LRRC34: variants seen among roughly 807,000 people sequenced by gnomAD.
The protein encoded by LRRC34 is leucine-rich repeat-containing protein 34.
A neutral mutation model predicts 48.5 loss-of-function variants in LRRC34; 44 were observed. That is an observed-to-expected ratio of 0.91 (90% CI 0.71 to 1.17). LRRC34 has a LOEUF of 1.17. LRRC34 is among the 50% of genes most tolerant of loss of function. The probability of loss-of-function intolerance (pLI) is 0.00; values close to 1 mark genes in which losing one functional copy is unlikely to be tolerated. For missense variants in LRRC34, 502 were observed against 563.0 expected, an observed-to-expected ratio of 0.89 and a Z score of 1.10; for synonymous variants, 192 against 197.6, an observed-to-expected ratio of 0.97 and a Z score of 0.24.
rs1779164298 is a variant in LRRC34 at position 169,800,845 on chromosome 3, T to C, written c.658-91A>G. The C allele has an allele frequency of 2.0e-5, 16 of 813,640 alleles. No individual in the cohort carries two copies. In the South Asian group the frequency reaches 2.8e-4, roughly 14 times the overall value. 50.4% of individuals were successfully genotyped at this position (813,640 alleles called of 1,614,324 possible). A position where few individuals can be genotyped will look rare whatever the true frequency, so the allele number is the denominator to read the frequency against. On this transcript the variant is annotated intron_variant, in intron 6 of 10. Transcript: ENST00000446859. ...TCAAGATCAGCTATCTGCATTCTGA[T>C]AAAATTGTTTTTAAAATTTAAGCAT...
intron 7 of LRRC34, among the ~76,000 whole-genome samples, chr3:169,799,651 C>T (rs188354883): frequency 1.3e-5 from 2 of 152,224 alleles, no homozygotes; most frequent in Non-Finnish European, 2.9e-5. Context: ...AGTGAGACCT[C>T]ATCTCAAAAA....
At chr3:169,796,946 T>C (rs769090186) in intron 7 of LRRC34, 47 bp from the exon 8 acceptor site, 2 of 1,385,676 alleles carry the variant, frequency 1.4e-6, no homozygotes, top group African/African-American at 3.0e-5. Context: ...TTTGAAGTAG[T>C]ACATGTTTAT....
chr3:169,802,978 C>CAA (rs762946094), intron 6 of LRRC34, among the ~76,000 whole-genome samples: 2,105 of 136,504 alleles, frequency 0.015, 19 homozygotes, highest in Middle Eastern at 0.03. Flanking sequence ...ACTCTGTCTC[C>CAA]AAAAAAAAAA....
chr3:169,799,707 T>C lies in LRRC34; in HGVS notation c.753+952A>G, dbSNP rs1311571522. On this transcript the variant is annotated intron_variant, in intron 7 of 10. Coordinates refer to ENST00000446859, the MANE Select transcript of LRRC34 (RefSeq NM_001172779.2). ...TCAAACACTGACATTGATTGATTGA[T>C]TGATTGATTGATTGATTGAGATGAA... 4.6e-5 allele frequency among the ~76,000 whole-genome samples: 7 copies of C among 152,110 alleles called. No homozygotes were observed. In the East Asian group the frequency reaches 1.4e-3, roughly 29 times the overall value.
At position 169,812,790 on chromosome 3, in the gene LRRC34, G is replaced by C. The variant is rs915113515; in HGVS notation, c.-242C>G. On this transcript the variant is annotated 5_prime_UTR_variant, in exon 1 of 11. Transcript: ENST00000446859. This position sits in a 1 kb window ranked among gnomAD's most constrained non-coding sequence, Gnocchi z 4.3. ...TTCCCGAGGTTTGAGGGGCTCCGCTGCTGAGCTAGGGCTGGGGCTACAAAG... is the reference window on the plus strand; with the variant it reads ...TTCCCGAGGTTTGAGGGGCTCCGCTCCTGAGCTAGGGCTGGGGCTACAAAG... The C allele has an allele frequency of 2.0e-6, 1 of 511,898 alleles. No homozygotes were observed. The highest frequency in any genetic ancestry group is 2.0e-5 in the African/African-American group (1 of 49,106). 31.7% of individuals were successfully genotyped at this position (511,898 alleles called of 1,614,324 possible).
Position 169,796,332 on chromosome 3 carries a change from C to T in LRRC34, c.946G>A (p.Asp316Asn). Reference sequence around the variant, plus strand: ...AGGGTAGTGTTGCTTTTCAGTACATCAGCCAAATACACCATTCCATCATGA... The same window carrying T: ...AGGGTAGTGTTGCTTTTCAGTACATTAGCCAAATACACCATTCCATCATGA... ...ITHDGMVYLA[D>N]VLKSNTTLEV... The change falls in exon 9 of 11, where the codon GAT (aspartate) becomes AAT (asparagine). Residue 316 changes from aspartate (D) to asparagine (N), a missense_variant. Transcript: ENST00000446859. The T allele has an allele frequency of 6.2e-7, 1 of 1,608,858 alleles. No individual in the cohort carries two copies. The highest frequency in any genetic ancestry group is 1.1e-5 in the South Asian group (1 of 89,472).
At chr3:169,796,168 A>G (rs750063117) in intron 9 of LRRC34, 46 bp downstream of exon 9, 2 of 1,551,390 alleles carry the variant, frequency 1.3e-6, no homozygotes, top group Non-Finnish European at 1.7e-6. Context: ...TAGTATTTAA[A>G]AATTTGCTTT....
At chr3:169,795,350 T>G in intron 10 of LRRC34, 135 bp downstream of exon 10, 1 of 897,416 alleles carries the variant, frequency 1.1e-6, no homozygotes, top group Non-Finnish European at 1.6e-6. Context: ...GTAGTTAATT[T>G]TAAGACTTAT....
Position 169,812,336 on chromosome 3 carries a change from C to T in LRRC34, c.139+74G>A. 6.8e-7 allele frequency: 1 copy of T among 1,459,938 alleles called. No individual in the cohort carries two copies. Among genetic ancestry groups the T allele is most frequent in the Non-Finnish European group, 9.0e-7 (1 of 1,111,334 alleles). The allele number at this position is 1,459,938 out of a possible 1,614,324, so 90.4% of individuals were successfully genotyped here. ...GGCTGGCGGGCTGCTGGGAGGACTC[C>T]TGCCGTGCGACCCCGGCGCCCCTCG... On this transcript the variant is annotated intron_variant, in intron 1 of 10. Transcript: ENST00000446859. This position sits in a 1 kb window ranked among gnomAD's most constrained non-coding sequence, Gnocchi z 4.3.
chr3:169,797,443 T>G (rs1779033278), intron 7 of LRRC34, among the ~76,000 whole-genome samples: 1 of 152,176 alleles, frequency 6.6e-6, no homozygotes, highest in Non-Finnish European at 1.5e-5. Context: ...GGTTTTATTC[T>G]TATTTTCTGA....
intron 7 of LRRC34, among the ~76,000 whole-genome samples, chr3:169,797,395 C>T (rs1463474431): frequency 6.6e-6 from 1 of 152,102 alleles, no homozygotes; most frequent in Non-Finnish European, 1.5e-5. Context: ...TGTGATATAT[C>T]TGATCCTTCC....
intron 8 of LRRC34, 51 bp downstream of exon 8, chr3:169,796,694 A>T (rs1161328212): frequency 1.3e-6 from 2 of 1,520,764 alleles, no homozygotes; most frequent in South Asian, 2.4e-5. Flanking sequence ...ATTTATATAG[A>T]TTATTCCCAT....
In LRRC34 at chr3:169,798,685, G is replaced by A. The variant is rs28461329; in HGVS notation, c.754-1786C>T. Among the ~76,000 whole-genome samples the A allele has an allele frequency of 5.6e-3, 848 of 152,130 alleles. 8 individuals carry two copies. Among genetic ancestry groups the A allele is most frequent in the African/African-American group, 0.019 (808 of 41,484 alleles). ...ACACCACTCAACATATTTTAAAAAG[G>A]GATCATGCTTATAATGTGATCTCCT... is the stretch of plus-strand genomic sequence containing the variant. On this transcript the variant is annotated intron_variant, in intron 7 of 10. Coordinates refer to ENST00000446859, the MANE Select transcript of LRRC34 (RefSeq NM_001172779.2).
intron 1 of LRRC34, among the ~76,000 whole-genome samples, chr3:169,810,306 T>C (rs991263532): frequency 2.6e-5 from 4 of 152,154 alleles, no homozygotes; most frequent in African/African-American, 9.7e-5. Context: ...ACAACCACAA[T>C]TGAGGTCTAG....
At chr3:169,796,673 G>T (rs1779000129) in intron 8 of LRRC34, 72 bp downstream of exon 8, 3 of 1,416,176 alleles carry the variant, frequency 2.1e-6, no homozygotes, top group Non-Finnish European at 2.9e-6. Flanking sequence ...CGTATCCCAA[G>T]TACCATGAAT....
chr3:169,796,116 T>C, intron 9 of LRRC34, 98 bp downstream of exon 9: 2 of 1,415,838 alleles, frequency 1.4e-6, no homozygotes, highest in East Asian at 5.3e-5. Flanking sequence ...AAGCTGAGTT[T>C]TCATATTTCA....
At chr3:169,806,772 G>A in intron 5 of LRRC34, 76 bp downstream of exon 5, 1 of 821,916 alleles carries the variant, frequency 1.2e-6, no homozygotes. Context: ...CTTCAACATT[G>A]GACACTGTTG....
intron 1 of LRRC34, among the ~76,000 whole-genome samples, 195 bp from the exon 2 acceptor site, chr3:169,808,940 G>A (rs1779473208): frequency 6.6e-6 from 1 of 152,176 alleles, no homozygotes; most frequent in Admixed American, 6.5e-5. Flanking sequence ...TTAAAATGCT[G>A]TTTGGAGAAC....
At chr3:169,804,963 A>G (rs1779323707) in intron 5 of LRRC34, among the ~76,000 whole-genome samples, 1 of 152,188 alleles carries the variant, frequency 6.6e-6, no homozygotes, top group Non-Finnish European at 1.5e-5. Flanking sequence ...CATTCCTCCT[A>G]TATCACTTTT....
Sources: gnomAD v4.1 joint callset for allele counts (sites outside exome capture counted in the v4.1 genomes callset) on GRCh38, gnomAD v4.1.1 for gene constraint, Gnocchi (gnomAD v3.1) non-coding constraint, MANE v1.5 for transcripts, NCBI Gene and HGNC (gene_info 2026-07-23, HGNC 2026-07-21) for gene names.